Variants in SLC41A2 observed in about 807,000 individuals in gnomAD.
The protein encoded by SLC41A2 is SLC41A1-like 1.
In SLC41A2, 32 loss-of-function variants were observed where a neutral mutation model predicts 58.3. That is an observed-to-expected ratio of 0.55 (90% CI 0.41 to 0.74). The LOEUF is 0.74. SLC41A2 is among the 30% of genes least tolerant of loss of function. SLC41A2 has a pLI of 0.00. For missense variants in SLC41A2, 514 were observed against 680.6 expected, an observed-to-expected ratio of 0.76 and a Z score of 2.72; for synonymous variants, 190 against 235.0, an observed-to-expected ratio of 0.81 and a Z score of 1.75.
At chr12:104,809,342 C>A (rs1169986936) in intron 10 of SLC41A2, among the ~76,000 whole-genome samples, 1 of 151,058 alleles carries the variant, frequency 6.6e-6, no homozygotes, top group Non-Finnish European at 1.5e-5. Flanking sequence ...TGCCTTGGGA[C>A]CCAAACTGCT....
At chr12:104,862,793 A>T (rs928509882) in intron 7 of SLC41A2, among the ~76,000 whole-genome samples, 2 of 152,108 alleles carry the variant, frequency 1.3e-5, no homozygotes, top group Non-Finnish European at 2.9e-5. Context: ...TTGTGGTGAG[A>T]ACACCTATAC....
At chr12:104,834,075 T>C in intron 10 of SLC41A2, 1 of 985,424 alleles carries the variant, frequency 1.0e-6, no homozygotes, top group Non-Finnish European at 1.2e-6. Flanking sequence ...AAAAGAGCTC[T>C]TTCCCAATGC....
chr12:104,816,336 G>A (rs1388515917), intron 10 of SLC41A2, among the ~76,000 whole-genome samples: 1 of 152,146 alleles, frequency 6.6e-6, no homozygotes, highest in Non-Finnish European at 1.5e-5. Flanking sequence ...GATGTAAAAT[G>A]TTCAATAAAA....
chr12:104,839,245 A>G (rs976920054), intron 10 of SLC41A2, among the ~76,000 whole-genome samples: 3 of 152,202 alleles, frequency 2.0e-5, no homozygotes, highest in Non-Finnish European at 2.9e-5. Context: ...TTGAATTTAA[A>G]GGCTAGAGAA....
intron 1 of SLC41A2, among the ~76,000 whole-genome samples, chr12:104,944,221 T>C (rs1254550989): frequency 6.6e-6 from 1 of 152,182 alleles, no homozygotes; most frequent in East Asian, 1.9e-4. Flanking sequence ...CAGAGAGAAG[T>C]AGCATTCTGC....
chr12:104,819,920 A>G (rs1235232966), intron 10 of SLC41A2, among the ~76,000 whole-genome samples: 1 of 152,222 alleles, frequency 6.6e-6, no homozygotes, highest in Non-Finnish European at 1.5e-5. Flanking sequence ...TTCTTCAGCC[A>G]GTTAACAGCC....
At chr12:104,825,823 C>T (rs1037134747) in intron 10 of SLC41A2, among the ~76,000 whole-genome samples, 1 of 152,176 alleles carries the variant, frequency 6.6e-6, no homozygotes, top group Non-Finnish European at 1.5e-5. Context: ...AAACCCACCC[C>T]ACAGAAGGAG....
chr12:104,803,470 C>T lies in SLC41A2; in HGVS notation c.*1682G>A, dbSNP rs1192405367. ...AAATATATAACTCTAAACCACAGTC[C>T]CCTCATTTAAAAGAGCTTAACAAGA... is the stretch of plus-strand genomic sequence containing the variant. On this transcript the variant is annotated 3_prime_UTR_variant, in exon 11 of 11. Coordinates refer to ENST00000258538, the MANE Select transcript of SLC41A2 (RefSeq NM_001352171.3). 1 of 151,832 alleles carries T rather than the reference C, an allele frequency of 6.6e-6. No homozygotes were observed. The highest frequency in any genetic ancestry group is 1.5e-5 in the Non-Finnish European group (1 of 67,938). 9.4% of individuals were successfully genotyped at this position (151,832 alleles called of 1,614,324 possible).
chr12:104,874,832 T>C (rs2043971038), intron 6 of SLC41A2, among the ~76,000 whole-genome samples: 1 of 152,212 alleles, frequency 6.6e-6, no homozygotes, highest in Admixed American at 6.5e-5. Flanking sequence ...CAGGGTCTTT[T>C]GTGGTTTCAT....
rs1279756027 is a variant in SLC41A2, at chr12:104,802,505, T to TA, written c.*2646_*2647insT. ...TCCTGTTACATGCCTTTTAGACATT[T>TA]GGTTGCTCTAACCAAGGTTGGGTAG... is the stretch of plus-strand genomic sequence containing the variant. On this transcript the variant is annotated 3_prime_UTR_variant, in exon 11 of 11. Coordinates refer to ENST00000258538, the MANE Select transcript of SLC41A2 (RefSeq NM_001352171.3). 1 of 152,214 alleles carries TA rather than the reference T, an allele frequency of 6.6e-6. No individual in the cohort carries two copies. The highest frequency in any genetic ancestry group is 1.5e-5 in the Non-Finnish European group (1 of 68,028). 9.4% of individuals were successfully genotyped at this position (152,214 alleles called of 1,614,324 possible).
chr12:104,949,157 G>A lies in SLC41A2; in HGVS notation c.-168+8931C>T, dbSNP rs993048319. Among the ~76,000 whole-genome samples the A allele has an allele frequency of 4.6e-5, 7 of 152,314 alleles. 1 individual carries two copies. The highest frequency in any genetic ancestry group is 1.3e-4 in the Admixed American group (2 of 15,298). On this transcript the variant is annotated intron_variant, in intron 1 of 10. Coordinates refer to ENST00000258538, the MANE Select transcript of SLC41A2 (RefSeq NM_001352171.3). Reference sequence around the variant, plus strand: ...CACTTGAACCCAGGAGGCAGAGGTTGCGGTGAGCCAAGATCACACCATTGC... The same window carrying A: ...CACTTGAACCCAGGAGGCAGAGGTTACGGTGAGCCAAGATCACACCATTGC...
chr12:104,902,687 GA>G (rs2135739657), intron 3 of SLC41A2, among the ~76,000 whole-genome samples: 1 of 152,286 alleles, frequency 6.6e-6, no homozygotes, highest in African/African-American at 2.4e-5. Context: ...AAGCAGCGGT[GA>G]AAGACGTGGG....
At chr12:104,896,302 A>G (rs1459819139) in intron 3 of SLC41A2, among the ~76,000 whole-genome samples, 2 of 152,206 alleles carry the variant, frequency 1.3e-5, no homozygotes. Context: ...CTCACTGTGG[A>G]CTTTAGTCTC....
intron 1 of SLC41A2, among the ~76,000 whole-genome samples, chr12:104,937,778 A>G (rs1253310210): frequency 6.6e-6 from 1 of 152,200 alleles, no homozygotes; most frequent in East Asian, 1.9e-4. Flanking sequence ...AACCTCCTGA[A>G]TCAAAGTCTG....
intron 10 of SLC41A2, among the ~76,000 whole-genome samples, chr12:104,816,922 A>G (rs2041430417): frequency 6.6e-6 from 1 of 152,198 alleles, no homozygotes; most frequent in Admixed American, 6.5e-5. Context: ...TAGTATTTGT[A>G]TATAACGTAT....
intron 1 of SLC41A2, among the ~76,000 whole-genome samples, chr12:104,956,131 C>T (rs947000927): frequency 1.3e-5 from 2 of 152,142 alleles, no homozygotes; most frequent in Non-Finnish European, 2.9e-5. Context: ...TCTCTTGACT[C>T]CAGTCAGGAA....
At chr12:104,947,841 G>A (rs1429755238) in intron 1 of SLC41A2, among the ~76,000 whole-genome samples, 1 of 151,934 alleles carries the variant, frequency 6.6e-6, no homozygotes, top group East Asian at 1.9e-4. Flanking sequence ...AATTTACAAA[G>A]GACATCTAAA....
At chr12:104,866,363 C>T (rs1436502951) in intron 7 of SLC41A2, 69 bp downstream of exon 7, 93 of 1,439,510 alleles carry the variant, frequency 6.5e-5, no homozygotes, top group Non-Finnish European at 8.2e-5. Context: ...ATAGAAGACA[C>T]ACAAAGACAG....
chr12:104,958,369 G>A (rs1429723364), upstream of SLC41A2: 2 of 148,794 alleles, frequency 1.3e-5, no homozygotes, highest in East Asian at 3.9e-4. Context: ...AAGCGCAGCC[G>A]CGCCGCCGCC....
Sources: allele counts gnomAD v4.1 joint callset (sites outside exome capture counted in the v4.1 genomes callset), GRCh38; gene constraint gnomAD v4.1.1; transcripts MANE v1.5; gene names NCBI Gene and HGNC (gene_info 2026-07-23, HGNC 2026-07-21).